ANO4: variants seen among roughly 807,000 people sequenced by gnomAD.
The protein encoded by ANO4 is anoctamin 4.
ANO4 carries 69 observed loss-of-function variants against 141.9 expected under a neutral mutation model. The observed-to-expected ratio is 0.49, with a 90% CI of 0.40 to 0.59. ANO4 has a LOEUF of 0.59. ANO4 is among the 20% of genes least tolerant of loss of function. The pLI is 0.00. For synonymous variants in ANO4, 350 were observed against 394.3 expected, an observed-to-expected ratio of 0.89 and a Z score of 1.33; for missense variants, 894 against 1,162.2, an observed-to-expected ratio of 0.77 and a Z score of 3.36.
chr12:100,727,065 G>A (rs1302198053), intron 1 of ANO4, among the ~76,000 whole-genome samples: 1 of 146,068 alleles, frequency 6.8e-6, no homozygotes. Context: ...TTTTTTAATT[G>A]TTGAGATTTG....
intron 14 of ANO4, among the ~76,000 whole-genome samples, chr12:101,065,796 A>G (rs552849669): frequency 6.6e-6 from 1 of 152,316 alleles, no homozygotes; most frequent in South Asian, 2.1e-4. Context: ...AAACCAGACA[A>G]AGACACATCA....
At chr12:100,733,120 C>T (rs1467862430) in intron 1 of ANO4, among the ~76,000 whole-genome samples, 1 of 152,140 alleles carries the variant, frequency 6.6e-6, no homozygotes, top group Non-Finnish European at 1.5e-5. Flanking sequence ...CTGGAAACTG[C>T]CACAAAGTGA....
intron 2 of ANO4, among the ~76,000 whole-genome samples, chr12:100,908,285 G>C (rs2040937791): frequency 6.6e-6 from 1 of 152,176 alleles, no homozygotes; most frequent in South Asian, 2.1e-4. Context: ...GGAGGCGGAG[G>C]TTGCGGTGTG....
At chr12:100,887,047 T>A (rs2039869370) in intron 1 of ANO4, among the ~76,000 whole-genome samples, 1 of 152,198 alleles carries the variant, frequency 6.6e-6, no homozygotes, top group Admixed American at 6.5e-5. Flanking sequence ...TGTAAAAAAA[T>A]TTTTTAAACT....
chr12:101,024,512 C>G (rs1252208605), intron 9 of ANO4, among the ~76,000 whole-genome samples: 1 of 151,996 alleles, frequency 6.6e-6, no homozygotes, highest in Non-Finnish European at 1.5e-5. Context: ...ACGAGAATTG[C>G]TTGAACCCGG....
At chr12:101,038,797 A>G (rs2136605721) in intron 10 of ANO4, 2 of 152,264 alleles carry the variant, frequency 1.3e-5, no homozygotes, top group East Asian at 3.9e-4. Context: ...ACTTCTTATC[A>G]GGTGTGGTGG....
intron 14 of ANO4, among the ~76,000 whole-genome samples, chr12:101,072,500 T>C (rs770747791): frequency 1.9e-4 from 29 of 152,196 alleles, no homozygotes; most frequent in Admixed American, 3.3e-4. Flanking sequence ...GAAGAAAACC[T>C]AGGCAACATC....
chr12:101,022,117 C>T (rs187620409), intron 9 of ANO4, among the ~76,000 whole-genome samples: 7 of 150,860 alleles, frequency 4.6e-5, no homozygotes, highest in Non-Finnish European at 1.5e-5. Context: ...AAATAGATAG[C>T]TTTCTAGTCC....
At chr12:101,043,810 G>A (rs370409015) in intron 13 of ANO4, among the ~76,000 whole-genome samples, 175 bp downstream of exon 13, 2 of 152,290 alleles carry the variant, frequency 1.3e-5, no homozygotes, top group African/African-American at 4.8e-5. Context: ...AATTGTCCAT[G>A]TATTTGGAAG....
chr12:100,878,360 G>T (rs1226749876), intron 1 of ANO4, among the ~76,000 whole-genome samples: 2 of 152,202 alleles, frequency 1.3e-5, no homozygotes, highest in Admixed American at 6.5e-5. Flanking sequence ...GTCCAACACA[G>T]GGTGGGCACT....
chr12:100,990,153 G>A (rs1361577743), intron 8 of ANO4, among the ~76,000 whole-genome samples: 1 of 151,638 alleles, frequency 6.6e-6, no homozygotes, highest in Non-Finnish European at 1.5e-5. Flanking sequence ...GAGGATATAT[G>A]AGATATAGGT....
At chr12:100,825,622 G>A (rs2036291485) in intron 1 of ANO4, among the ~76,000 whole-genome samples, 4 of 151,924 alleles carry the variant, frequency 2.6e-5, no homozygotes, top group Admixed American at 2.0e-4. Flanking sequence ...CACATATGAC[G>A]GCCCCTTCTG....
At chr12:100,957,662 C>T (rs1240038220) in intron 5 of ANO4, among the ~76,000 whole-genome samples, 2 of 152,194 alleles carry the variant, frequency 1.3e-5, no homozygotes, top group Non-Finnish European at 2.9e-5. Context: ...GCGATCTCAG[C>T]TCACTGCAAA....
At chr12:100,787,614 C>T (rs183641467) in intron 3 of ANO4, among the ~76,000 whole-genome samples, 37 of 152,198 alleles carry the variant, frequency 2.4e-4, no homozygotes, top group African/African-American at 8.4e-4. Context: ...CTATGATATT[C>T]GCTCTGGGGA....
At chr12:100,981,460 AAG>A (rs2044458499) in intron 7 of ANO4, among the ~76,000 whole-genome samples, 1 of 151,856 alleles carries the variant, frequency 6.6e-6, no homozygotes. Flanking sequence ...GGAAGGAAGG[AAG>A]AAAGGAAGGG....
At chr12:101,017,062 T>C (rs1236135230) in intron 8 of ANO4, among the ~76,000 whole-genome samples, 1 of 152,190 alleles carries the variant, frequency 6.6e-6, no homozygotes, top group Non-Finnish European at 1.5e-5. Context: ...TCCTTCTCTC[T>C]TTATAGCATC....
At chr12:100,989,542 G>GGTGT (rs2044943144) in intron 8 of ANO4, among the ~76,000 whole-genome samples, 1 of 149,400 alleles carries the variant, frequency 6.7e-6, no homozygotes, top group South Asian at 2.2e-4. Flanking sequence ...TAGGTTGCTG[G>GGTGT]GTGGGTGGGT....
At chr12:100,961,279 G>T (rs796659752) in intron 5 of ANO4, among the ~76,000 whole-genome samples, 16 of 152,310 alleles carry the variant, frequency 1.1e-4, no homozygotes, top group African/African-American at 3.6e-4. Context: ...ATCTAAGAAG[G>T]TGATGGAAGA....
At chr12:100,899,265 A>T (rs1415849413) in intron 1 of ANO4, among the ~76,000 whole-genome samples, 3 of 152,204 alleles carry the variant, frequency 2.0e-5, no homozygotes, top group African/African-American at 7.2e-5. Flanking sequence ...GGGCAGACTC[A>T]TACCAAGCAA....
Sources: allele counts gnomAD v4.1 joint callset (sites outside exome capture counted in the v4.1 genomes callset), GRCh38; gene constraint gnomAD v4.1.1; transcripts MANE v1.5; gene names NCBI Gene and HGNC (gene_info 2026-07-23, HGNC 2026-07-21).